The following LBP variants were observed in gnomAD, a reference collection of about 807,000 sequenced individuals.
LBP encodes the protein lipopolysaccharide-binding protein.
Under a neutral mutation model 56.6 loss-of-function variants are expected in LBP, and 53 were observed. The ratio of observed to expected loss-of-function variants is 0.94; its 90% confidence interval spans 0.75 to 1.18. The LOEUF (loss-of-function observed/expected upper bound fraction) is 1.18. Among genes scored for constraint, LBP ranks in the 50% most tolerant of loss-of-function variants. The probability of loss-of-function intolerance (pLI) is 0.00; values close to 1 mark genes in which losing one functional copy is unlikely to be tolerated. For missense variants in LBP, 601 were observed against 598.3 expected (o/e 1.00, Z -0.05); for synonymous variants, 227 against 247.5 (o/e 0.92, Z 0.78).
chr20:38,360,274 AC>A lies in LBP; in HGVS notation c.589-429del, dbSNP rs1197051385. ...GACTCCATCTCAAAAAAAAAAAAAA[AC>A]AAAAAAACTATCTACATTAACTGTA... On this transcript the variant is annotated intron_variant, in intron 5 of 14. Coordinates refer to ENST00000217407, the MANE Select transcript of LBP (RefSeq NM_004139.5). Among the ~76,000 whole-genome samples, 416 of 143,326 alleles carry A rather than the reference AC, an allele frequency of 2.9e-3. 3 individuals are homozygous for A. The highest frequency in any genetic ancestry group is 9.5e-3 in the African/African-American group (334 of 35,290). The allele number at this position is 143,326 out of a possible 152,430, so 94.0% of individuals were successfully genotyped here. A position where few individuals can be genotyped will look rare whatever the true frequency, so the allele number is the denominator to read the frequency against.
At chr20:38,373,888 A>G (rs1344369009) in intron 13 of LBP, 49 bp from the exon 14 acceptor site, 1 of 1,520,382 alleles carries the variant, frequency 6.6e-7, no homozygotes, top group East Asian at 2.3e-5. Context: ...TCTGTCTCTA[A>G]TTATTATTTA....
intron 10 of LBP, 143 bp downstream of exon 10, chr20:38,369,305 T>C (rs940047946): frequency 2.2e-5 from 18 of 809,164 alleles, no homozygotes; most frequent in Non-Finnish European, 3.4e-5. Flanking sequence ...GAGGGCTTTC[T>C]TGCTGGCCCT....
At chr20:38,371,809 A>T (rs897689702) in intron 12 of LBP, among the ~76,000 whole-genome samples, 3 of 108,016 alleles carry the variant, frequency 2.8e-5, no homozygotes, top group South Asian at 6.1e-4. Context: ...TCAGTTTTTT[A>T]AAAAATTTGC....
At chr20:38,363,289 A>G (rs11536973) in intron 6 of LBP, among the ~76,000 whole-genome samples, 10 of 152,212 alleles carry the variant, frequency 6.6e-5, no homozygotes, top group African/African-American at 2.4e-4. Context: ...CTTATTTGTT[A>G]ACAGCCGTGT....
intron 9 of LBP, 62 bp downstream of exon 9, chr20:38,366,890 C>A: frequency 7.0e-7 from 1 of 1,420,134 alleles, no homozygotes; most frequent in Non-Finnish European, 1.0e-6. Flanking sequence ...AGAGGTTTCT[C>A]TTTAAAACCT....
chr20:38,349,781 A>G lies in LBP; in HGVS notation c.239+119A>G, dbSNP rs1049616004. ...CTGTGGGGGGACCTCTCCGGGGCAGACAGTGGGATAGTTCCCTGAAGAGCT... is the reference window on the plus strand; with the variant it reads ...CTGTGGGGGGACCTCTCCGGGGCAGGCAGTGGGATAGTTCCCTGAAGAGCT... On this transcript the variant is annotated intron_variant, in intron 2 of 14. Coordinates refer to ENST00000217407, the MANE Select transcript of LBP (RefSeq NM_004139.5). The G allele has an allele frequency of 1.1e-5, 7 of 659,952 alleles. No individual in the cohort carries two copies. The East Asian group carries it at 1.9e-4, about 18-fold the overall frequency. The allele number at this position is 659,952 out of a possible 1,614,324, so 40.9% of individuals were successfully genotyped here.
intron 14 of LBP, among the ~76,000 whole-genome samples, chr20:38,375,849 G>A (rs1183516039): frequency 6.6e-6 from 1 of 152,140 alleles, no homozygotes; most frequent in African/African-American, 2.4e-5. Context: ...GGGAATGAAG[G>A]GCAGGGGGGA....
chr20:38,369,493 T>C (rs543301368), intron 10 of LBP, among the ~76,000 whole-genome samples: 1 of 144,932 alleles, frequency 6.9e-6, no homozygotes, highest in East Asian at 1.9e-4. Context: ...CTGGTGTTTG[T>C]CTATTTGTCT....
chr20:38,349,455 C>G, intron 1 of LBP, 93 bp from the exon 2 acceptor site: 1 of 870,844 alleles, frequency 1.1e-6, no homozygotes, highest in South Asian at 1.4e-5. Context: ...ATGTTGGCCC[C>G]TCTCTTGAGG....
intron 3 of LBP, among the ~76,000 whole-genome samples, chr20:38,353,969 C>A (rs2076829575): frequency 6.6e-6 from 1 of 151,714 alleles, no homozygotes; most frequent in Admixed American, 6.6e-5. Context: ...TCTCATACTG[C>A]AATTTTTTTT....
intron 9 of LBP, among the ~76,000 whole-genome samples, chr20:38,367,380 C>T (rs942483615): frequency 2.6e-5 from 4 of 152,010 alleles, no homozygotes; most frequent in East Asian, 3.9e-4. Flanking sequence ...CCTGAGGCTG[C>T]GAGGTTGAGG....
At chr20:38,353,356 C>T (rs938231843) in intron 3 of LBP, among the ~76,000 whole-genome samples, 4 of 152,130 alleles carry the variant, frequency 2.6e-5, no homozygotes, top group African/African-American at 7.2e-5. Flanking sequence ...CAGACAACCA[C>T]CACTGGGGTT....
intron 10 of LBP, among the ~76,000 whole-genome samples, chr20:38,369,406 G>A (rs766922533): frequency 2.6e-5 from 4 of 152,158 alleles, no homozygotes; most frequent in Non-Finnish European, 4.4e-5. Context: ...ATACTTTGTA[G>A]CTGTCTGCAG....
At chr20:38,355,942 T>C (rs1422059528) in intron 5 of LBP, among the ~76,000 whole-genome samples, 7 of 151,770 alleles carry the variant, frequency 4.6e-5, no homozygotes, top group Admixed American at 3.3e-4. Context: ...GTGTTAACTT[T>C]CAGTTCCTCT....
At chr20:38,355,037 G>A (rs2076833772) in intron 4 of LBP, among the ~76,000 whole-genome samples, 1 of 152,210 alleles carries the variant, frequency 6.6e-6, no homozygotes, top group African/African-American at 2.4e-5. Context: ...AGCTGAGATT[G>A]TGCCACTGCA....
In LBP at chr20:38,364,761, G is replaced by A. The variant is rs1365335206; in HGVS notation, c.921+9G>A. The A allele has an allele frequency of 1.3e-6, 2 of 1,598,282 alleles. No homozygotes were observed. Among genetic ancestry groups the A allele is most frequent in the Non-Finnish European group, 1.7e-6 (2 of 1,171,950 alleles). On this transcript the variant is annotated intron_variant, in intron 8 of 14. Transcript: ENST00000217407. ...CCATCACAGATGACATGGTGAGGAT[G>A]GTGGCAAACAGGTCTCTCAAATGAA...
chr20:38,352,994 C>T (rs1162470135), intron 3 of LBP, among the ~76,000 whole-genome samples: 1 of 152,040 alleles, frequency 6.6e-6, no homozygotes, highest in Non-Finnish European at 1.5e-5. Flanking sequence ...TTTAGAAAGA[C>T]GGCTGGTTTA....
chr20:38,361,860 G>A (rs1349189251), intron 6 of LBP, among the ~76,000 whole-genome samples: 1 of 150,282 alleles, frequency 6.7e-6, no homozygotes, highest in African/African-American at 2.5e-5. Context: ...TGTCCCCCTC[G>A]GTCACTGCCC....
rs1555842832 is a variant in LBP, at chr20:38,348,782, A to AGTTTAGTTTAGTTTTGTTTT, written c.125-757_125-756insAGTTTTGTTTTGTTTAGTTT. On this transcript the variant is annotated intron_variant, in intron 1 of 14. Coordinates refer to ENST00000217407, the MANE Select transcript of LBP (RefSeq NM_004139.5). Reference sequence around the variant, plus strand: ...AGTTTAGTTTAGTTTAGTTTAGTTTAGTTTAGTTTTGTTTTGTTTTGTTTT... The same window carrying AGTTTAGTTTAGTTTTGTTTT: ...AGTTTAGTTTAGTTTAGTTTAGTTTAGTTTAGTTTAGTTTTGTTTTGTTTAGTTTTGTTTTGTTTTGTTTT... Among the ~76,000 whole-genome samples, 316 of 131,280 alleles carry AGTTTAGTTTAGTTTTGTTTT rather than the reference A, an allele frequency of 2.4e-3. 3 individuals carry two copies. Among genetic ancestry groups the AGTTTAGTTTAGTTTTGTTTT allele is most frequent in the African/African-American group, 9.2e-3 (302 of 32,748 alleles). The allele number at this position is 131,280 out of a possible 152,430, so 86.1% of individuals were successfully genotyped here.
Sources: gnomAD v4.1 joint callset for allele counts (sites outside exome capture counted in the v4.1 genomes callset) on GRCh38, gnomAD v4.1.1 for gene constraint, MANE v1.5 for transcripts, NCBI Gene and HGNC (gene_info 2026-07-23, HGNC 2026-07-21) for gene names.